The following PBK variants were observed in gnomAD, a reference collection of about 807,000 sequenced individuals.
The protein encoded by PBK is lymphokine-activated killer T-cell-originated protein kinase.
Under a neutral mutation model 33.5 loss-of-function variants are expected in PBK, and 22 were observed. The ratio of observed to expected loss-of-function variants is 0.66; its 90% confidence interval spans 0.47 to 0.94. The LOEUF (loss-of-function observed/expected upper bound fraction) is 0.94. PBK is among the 40% of genes least tolerant of loss of function. The pLI is 0.00. For missense variants in PBK, 376 were observed against 383.4 expected, an observed-to-expected ratio of 0.98 and a Z score of 0.16; for synonymous variants, 129 against 123.8, an observed-to-expected ratio of 1.04 and a Z score of -0.28.
At position 27,810,193 on chromosome 8, in the gene PBK, T is replaced by C; in HGVS notation, c.*112A>G. 1.4e-6 allele frequency: 1 copy of C among 708,046 alleles called. No homozygotes were observed. Among genetic ancestry groups the C allele is most frequent in the Non-Finnish European group, 2.5e-6 (1 of 404,064 alleles). 43.9% of individuals were successfully genotyped at this position (708,046 alleles called of 1,614,324 possible). ...AGTTATCCATATGTTAACAAGAAAC[T>C]ATGGTCCTCAAATATGCCAATTTTA... is the stretch of plus-strand genomic sequence containing the variant. On this transcript the variant is annotated 3_prime_UTR_variant, in exon 8 of 8. Transcript: ENST00000301905.
At chr8:27,812,031 G>A (rs1348179948) in intron 6 of PBK, 4 of 152,044 alleles carry the variant, frequency 2.6e-5, no homozygotes, top group South Asian at 2.1e-4. Context: ...AACTGCAAAC[G>A]GGGACAGTTT....
intron 3 of PBK, among the ~76,000 whole-genome samples, chr8:27,827,550 G>A (rs1045540456): frequency 2.0e-5 from 3 of 151,980 alleles, no homozygotes; most frequent in Admixed American, 1.3e-4. Flanking sequence ...TAATAAAAAA[G>A]TAATTTAAAA....
In PBK at chr8:27,810,063, G is replaced by C. The variant is rs527530104; in HGVS notation, c.*242C>G. On this transcript the variant is annotated 3_prime_UTR_variant, in exon 8 of 8. Transcript: ENST00000301905. The stretch of plus-strand genomic sequence containing the variant: ...TACTGCTAGTGTTTTAAGTCAGCAT[G>C]AGCAGTATCAAAGTACTTATGTAGC... 15 of 464,514 alleles carry C rather than the reference G, an allele frequency of 3.2e-5. No homozygotes were observed. The South Asian group carries it at 4.1e-4, about 13-fold the overall frequency. 28.8% of individuals were successfully genotyped at this position (464,514 alleles called of 1,614,324 possible).
chr8:27,813,451 T>TA (rs1166781242), intron 6 of PBK, among the ~76,000 whole-genome samples: 1 of 152,296 alleles, frequency 6.6e-6, no homozygotes, highest in East Asian at 1.9e-4. Flanking sequence ...CCCTAGAACT[T>TA]AAACAATTTT....
intron 3 of PBK, among the ~76,000 whole-genome samples, chr8:27,825,080 T>G (rs1806000656): frequency 6.6e-6 from 1 of 152,078 alleles, no homozygotes; most frequent in African/African-American, 2.4e-5. Context: ...GCAACAAAAT[T>G]TCAGAAGCTG....
At chr8:27,822,006 G>A (rs1289156807) in intron 5 of PBK, among the ~76,000 whole-genome samples, 1 of 152,130 alleles carries the variant, frequency 6.6e-6, no homozygotes, top group Non-Finnish European at 1.5e-5. Flanking sequence ...TAGGAGAACT[G>A]GGCTATATAT....
intron 6 of PBK, among the ~76,000 whole-genome samples, chr8:27,818,828 T>C (rs902531011): frequency 1.3e-5 from 2 of 152,086 alleles, no homozygotes; most frequent in Non-Finnish European, 2.9e-5. Flanking sequence ...CAGCCAACAT[T>C]AAAGAACTAT....
chr8:27,825,820 AAGAT>A (rs1235857457), intron 3 of PBK, among the ~76,000 whole-genome samples: 1 of 152,234 alleles, frequency 6.6e-6, no homozygotes, highest in Non-Finnish European at 1.5e-5. Flanking sequence ...TCTCAGAAAA[AAGAT>A]AGCGAATAAG....
At chr8:27,831,390 A>T (rs1289326867) in intron 2 of PBK, among the ~76,000 whole-genome samples, 1 of 152,176 alleles carries the variant, frequency 6.6e-6, no homozygotes, top group East Asian at 1.9e-4. Flanking sequence ...CTAAATGTGT[A>T]TGTACCTAAT....
At chr8:27,834,895 CAA>C (rs547858262) in intron 1 of PBK, among the ~76,000 whole-genome samples, 1 of 121,450 alleles carries the variant, frequency 8.2e-6, no homozygotes. Flanking sequence ...GATTCCATCT[CAA>C]AAAAAAAAAA....
chr8:27,837,527 G>C (rs1454337733), intron 1 of PBK, 125 bp downstream of exon 1: 1 of 152,242 alleles, frequency 6.6e-6, no homozygotes, highest in Non-Finnish European at 1.5e-5. Flanking sequence ...GGGCTCACAA[G>C]GGGCTGGCTG....
At chr8:27,815,066 TAGAA>T (rs1191484199) in intron 6 of PBK, among the ~76,000 whole-genome samples, 4 of 151,950 alleles carry the variant, frequency 2.6e-5, no homozygotes, top group South Asian at 2.1e-4. Context: ...TTTGAAACAA[TAGAA>T]AGAAGACACA....
At position 27,809,651 on chromosome 8, in the gene PBK, A is replaced by T. The variant is rs1805628939; in HGVS notation, c.*654T>A. On this transcript the variant is annotated 3_prime_UTR_variant, in exon 8 of 8. Coordinates refer to ENST00000301905, the MANE Select transcript of PBK (RefSeq NM_018492.4). ...GTACCCAAAGTGTCCTTTATTCTTT[A>T]TCATCCTATTTGAGTTTTATTGTTT... The T allele has an allele frequency of 6.6e-6, 1 of 152,236 alleles. No individual in the cohort carries two copies. The highest frequency in any genetic ancestry group is 1.5e-5 in the Non-Finnish European group (1 of 68,032). The allele number at this position is 152,236 out of a possible 1,614,324, so 9.4% of individuals were successfully genotyped here.
In PBK at chr8:27,816,118, T is replaced by A. The variant is rs527970386; in HGVS notation, c.595+4447A>T. ...GCGAGGCCTTCCTCAACATCTAGACTAGGTTAAGGGCCACTGCTGTGTTTA... is the reference window on the plus strand; with the variant it reads ...GCGAGGCCTTCCTCAACATCTAGACAAGGTTAAGGGCCACTGCTGTGTTTA... On this transcript the variant is annotated intron_variant, in intron 6 of 7. Transcript: ENST00000301905. Among the ~76,000 whole-genome samples, 58 of 152,102 alleles carry A rather than the reference T, an allele frequency of 3.8e-4. 1 individual carries two copies. Among genetic ancestry groups the A allele is most frequent in the Admixed American group, 1.1e-3 (17 of 15,288 alleles).
chr8:27,813,599 TATC>T (rs1805746021), intron 6 of PBK, among the ~76,000 whole-genome samples: 1 of 108,944 alleles, frequency 9.2e-6, no homozygotes, highest in African/African-American at 4.3e-5. Context: ...CTAATTAACA[TATC>T]TATCACCTCA....
rs138697339 is a variant in PBK, at chr8:27,818,733, T to C, written c.595+1832A>G. On this transcript the variant is annotated intron_variant, in intron 6 of 7. Transcript: ENST00000301905. ...TGCCCCTCTCCAACCCACTGTGATA[T>C]AGAATTCTTTTTTTTTAAATGGAGG... Among the ~76,000 whole-genome samples, 24 of 152,206 alleles carry C rather than the reference T, an allele frequency of 1.6e-4. No individual in the cohort carries two copies. The East Asian group carries it at 4.4e-3, about 28-fold the overall frequency.
chr8:27,824,416 A>G (rs1417384609), intron 3 of PBK, among the ~76,000 whole-genome samples: 2 of 152,108 alleles, frequency 1.3e-5, no homozygotes, highest in East Asian at 3.8e-4. Flanking sequence ...GAAAAAAGGC[A>G]AATTTCTGAT....
At chr8:27,811,560 C>G (rs1805684596) in intron 6 of PBK, among the ~76,000 whole-genome samples, 1 of 151,834 alleles carries the variant, frequency 6.6e-6, no homozygotes. Context: ...TCCATGATTG[C>G]TATGTCAAGG....
intron 3 of PBK, among the ~76,000 whole-genome samples, 153 bp downstream of exon 3, chr8:27,827,952 A>C (rs1407880128): frequency 6.6e-6 from 1 of 152,236 alleles, no homozygotes; most frequent in East Asian, 1.9e-4. Flanking sequence ...GCAAAGTTAC[A>C]AAAGGGTCTA....
Sources: allele counts gnomAD v4.1 joint callset (sites outside exome capture counted in the v4.1 genomes callset), GRCh38; gene constraint gnomAD v4.1.1; transcripts MANE v1.5; gene names NCBI Gene and HGNC (gene_info 2026-07-23, HGNC 2026-07-21).